The following NXPE2 variants were observed in gnomAD, a reference collection of about 807,000 sequenced individuals.
The protein encoded by NXPE2 is neurexophilin and PC-esterase domain family member 2.
A neutral mutation model predicts 34.4 loss-of-function variants in NXPE2; 34 were observed. The ratio of observed to expected loss-of-function variants is 0.99; its 90% CI spans 0.75 to 1.31. The LOEUF (loss-of-function observed/expected upper bound fraction) is 1.31. Ranked by LOEUF, NXPE2 falls within the 40% of genes most tolerant of loss-of-function variation. NXPE2 has a pLI of 0.00. For synonymous variants in NXPE2, 235 were observed against 231.3 expected (o/e 1.02, Z -0.15); for missense variants, 649 against 672.5 (o/e 0.97, Z 0.39).
upstream of NXPE2, among the ~76,000 whole-genome samples, chr11:114,673,601 A>G (rs950843799): frequency 2.0e-5 from 3 of 151,780 alleles, no homozygotes; most frequent in Admixed American, 2.0e-4. Context: ...TAAAAGAGAA[A>G]ACTCAAATTA....
chr11:114,634,342 C>G, the NXPE2 span, among the ~76,000 whole-genome samples: 1 of 151,784 alleles, frequency 6.6e-6, no homozygotes. Context: ...TGTTTGAGTT[C>G]ATTGTAGATT....
the NXPE2 span, among the ~76,000 whole-genome samples, chr11:114,618,768 G>A: frequency 4.0e-5 from 6 of 151,208 alleles, no homozygotes; most frequent in African/African-American, 1.2e-4. Flanking sequence ...ACTGTTATCT[G>A]GTGGATAAAA....
the NXPE2 span, among the ~76,000 whole-genome samples, chr11:114,617,460 T>C: frequency 6.6e-6 from 1 of 152,094 alleles, no homozygotes; most frequent in Non-Finnish European, 1.5e-5. Flanking sequence ...ATAACCACTG[T>C]TATCTGCTGG....
At chr11:114,757,789 A>G in the NXPE2 span, among the ~76,000 whole-genome samples, 2 of 152,150 alleles carry the variant, frequency 1.3e-5, no homozygotes, top group Admixed American at 6.5e-5. Flanking sequence ...CTAGAACTCT[A>G]TGGAAGGTGT....
At chr11:114,790,916 T>A in the NXPE2 span, among the ~76,000 whole-genome samples, 1 of 151,434 alleles carries the variant, frequency 6.6e-6, no homozygotes, top group African/African-American at 2.4e-5. Flanking sequence ...CACCAACTCA[T>A]TGTAGATTTA....
At chr11:114,595,893 A>T in the NXPE2 span, 6 of 152,444 alleles carry the variant, frequency 3.9e-5, no homozygotes, top group East Asian at 9.4e-4. Context: ...ATAGTAGGTT[A>T]TATGATTTCA....
the NXPE2 span, among the ~76,000 whole-genome samples, chr11:114,640,925 GTTTTGCTGTGC>G: frequency 6.6e-6 from 1 of 151,864 alleles, no homozygotes; most frequent in Non-Finnish European, 1.5e-5. Context: ...TCTGTTATTT[GTTTTGCTGTGC>G]AAAAGGAAAA....
the NXPE2 span, chr11:114,523,240 A>G: frequency 6.4e-6 from 4 of 623,212 alleles, no homozygotes; most frequent in East Asian, 2.7e-5. Flanking sequence ...TTCTTTGATC[A>G]TTAGCTTTGC....
the NXPE2 span, among the ~76,000 whole-genome samples, chr11:114,749,987 G>A: frequency 0.43 from 65,774 of 151,770 alleles, 16,049 homozygotes; most frequent in South Asian, 0.6. Context: ...TTGAACATTC[G>A]CCAAGATGCT....
chr11:114,691,264 T>C (rs1288269621), intron 2 of NXPE2, among the ~76,000 whole-genome samples: 1 of 152,152 alleles, frequency 6.6e-6, no homozygotes, highest in Non-Finnish European at 1.5e-5. Context: ...ATTTTTTCTT[T>C]CTTTTTTTTC....
chr11:114,547,472 C>T, the NXPE2 span, among the ~76,000 whole-genome samples: 1 of 152,122 alleles, frequency 6.6e-6, no homozygotes, highest in Non-Finnish European at 1.5e-5. Flanking sequence ...CGGTGGCTCA[C>T]GCCTGTAATC....
At chr11:114,724,371 G>C in the NXPE2 span, among the ~76,000 whole-genome samples, 63 of 152,224 alleles carry the variant, frequency 4.1e-4, no homozygotes, top group Non-Finnish European at 3.8e-4. Context: ...TAAAGCCATG[G>C]GGCTGCAACA....
At chr11:114,465,326 CT>C in the NXPE2 span, among the ~76,000 whole-genome samples, 1 of 152,174 alleles carries the variant, frequency 6.6e-6, no homozygotes, top group Non-Finnish European at 1.5e-5. Context: ...ATAAAAAGAT[CT>C]GCAGCTACAT....
intron 2 of NXPE2, among the ~76,000 whole-genome samples, chr11:114,692,690 T>G (rs1951175901): frequency 6.6e-6 from 1 of 152,238 alleles, no homozygotes; most frequent in African/African-American, 2.4e-5. Flanking sequence ...GCCAGCTGTT[T>G]TAAATACTCT....
intron 2 of NXPE2, among the ~76,000 whole-genome samples, chr11:114,694,323 T>C (rs574339217): frequency 6.6e-5 from 10 of 152,352 alleles, no homozygotes; most frequent in African/African-American, 2.4e-4. Context: ...TTATCCTTGT[T>C]CTTCAATAGG....
the NXPE2 span, among the ~76,000 whole-genome samples, chr11:114,573,274 G>T: frequency 6.6e-6 from 1 of 151,916 alleles, no homozygotes. Context: ...ATTCTCAAAG[G>T]ACCTACATGA....
chr11:114,748,728 A>G, the NXPE2 span, among the ~76,000 whole-genome samples: 42 of 152,190 alleles, frequency 2.8e-4, 2 homozygotes, highest in Non-Finnish European at 1.8e-4. Context: ...GGTTACTTGA[A>G]TGAGATGGTA....
At chr11:114,745,655 T>A in the NXPE2 span, among the ~76,000 whole-genome samples, 2 of 152,162 alleles carry the variant, frequency 1.3e-5, no homozygotes, top group East Asian at 1.9e-4. Context: ...TTTGGGGAAT[T>A]TTTTTACATC....
chr11:114,661,724 C>T, the NXPE2 span, among the ~76,000 whole-genome samples: 1 of 152,180 alleles, frequency 6.6e-6, no homozygotes, highest in African/African-American at 2.4e-5. Flanking sequence ...TGGCCAAGGC[C>T]ACTGGTGACT....
Sources: gnomAD v4.1 joint callset for allele counts (sites outside exome capture counted in the v4.1 genomes callset) on GRCh38, gnomAD v4.1.1 for gene constraint, MANE v1.5 for transcripts, NCBI Gene and HGNC (gene_info 2026-07-23, HGNC 2026-07-21) for gene names.